The following GABRA3 variants were observed in gnomAD, a reference collection of about 807,000 sequenced individuals.
The protein encoded by GABRA3 is gamma-aminobutyric acid type A receptor subunit alpha3.
Under a neutral mutation model 30.1 loss-of-function variants are expected in GABRA3, and 10 were observed. The ratio of observed to expected loss-of-function variants is 0.33; its 90% CI spans 0.20 to 0.56. The LOEUF (loss-of-function observed/expected upper bound fraction) is 0.56. Among genes scored for constraint, GABRA3 ranks in the 20% least tolerant of loss-of-function variants. The probability of loss-of-function intolerance (pLI) is 0.89; values close to 1 mark genes in which losing one functional copy is unlikely to be tolerated. For missense variants in GABRA3, 233 were observed against 392.0 expected, an observed-to-expected ratio of 0.59 and a Z score of 3.42; for synonymous variants, 151 against 146.8, an observed-to-expected ratio of 1.03 and a Z score of -0.21.
intron 2 of GABRA3, among the ~76,000 whole-genome samples, chrX:152,358,723 G>A (rs1208133142): frequency 9.0e-6 from 1 of 111,214 alleles, no homozygotes; most frequent in East Asian, 2.8e-4. Flanking sequence ...TTCCTTCAAT[G>A]CCTAGTTTGG....
intron 1 of GABRA3, among the ~76,000 whole-genome samples, chrX:152,385,348 G>A (rs920077695): frequency 8.9e-6 from 1 of 111,789 alleles, no homozygotes; most frequent in African/African-American, 3.3e-5. Context: ...AACAGAACTG[G>A]AAACAATCTG....
intron 9 of GABRA3, among the ~76,000 whole-genome samples, chrX:152,183,197 T>C (rs1176604211): frequency 9.1e-6 from 1 of 110,383 alleles, no homozygotes; most frequent in Non-Finnish European, 1.9e-5. Context: ...CCTGGGCTTT[T>C]CTTTGATGGG....
At chrX:152,338,330 T>C (rs781717041) in intron 3 of GABRA3, among the ~76,000 whole-genome samples, 127 of 112,517 alleles carry the variant, frequency 1.1e-3, no homozygotes, top group African/African-American at 4.0e-3. Context: ...TTGTATGTCT[T>C]CTTCTGAGAA....
At chrX:152,275,055 ATATT>A (rs1939019564) in intron 4 of GABRA3, among the ~76,000 whole-genome samples, 1 of 92,544 alleles carries the variant, frequency 1.1e-5, no homozygotes, top group East Asian at 3.2e-4. Context: ...GGATATGAAT[ATATT>A]TATAGAAATA....
intron 5 of GABRA3, among the ~76,000 whole-genome samples, chrX:152,247,281 C>T (rs182329189): frequency 4.1e-4 from 46 of 111,726 alleles, no homozygotes; most frequent in African/African-American, 1.5e-3. Flanking sequence ...TACTGTGTAA[C>T]GTAACCCATA....
chrX:152,206,867 G>A (rs1019096144), intron 7 of GABRA3, among the ~76,000 whole-genome samples: 5 of 111,332 alleles, frequency 4.5e-5, no homozygotes, highest in African/African-American at 1.3e-4. Context: ...CATACATGAC[G>A]CCAGGACCCC....
intron 1 of GABRA3, among the ~76,000 whole-genome samples, chrX:152,379,106 A>G (rs1219004232): frequency 8.9e-6 from 1 of 111,836 alleles, no homozygotes; most frequent in Non-Finnish European, 1.9e-5. Context: ...AGATCGAGTA[A>G]CAAATCTGAC....
intron 1 of GABRA3, among the ~76,000 whole-genome samples, chrX:152,443,566 T>C (rs1479729249): frequency 9.0e-6 from 1 of 111,112 alleles, no homozygotes; most frequent in African/African-American, 3.3e-5. Context: ...GTGAACAAAA[T>C]GGAGAAAAAA....
At position 152,433,026 on chromosome X, in the gene GABRA3, TA is replaced by T. The variant is rs767041962; in HGVS notation, c.-27+18119del. Reference sequence around the variant, plus strand: ...TTTTTTAAAATAGATTAACATATTATAAAAAAAAGAAGTATAGGAGCATCTC... The same window carrying T: ...TTTTTTAAAATAGATTAACATATTATAAAAAAAGAAGTATAGGAGCATCTC... On this transcript the variant is annotated intron_variant, in intron 1 of 9. Coordinates refer to ENST00000370314, the MANE Select transcript of GABRA3 (RefSeq NM_000808.4). Among the ~76,000 whole-genome samples the T allele has an allele frequency of 9.1e-5, 10 of 110,180 alleles. No individual in the cohort carries two copies. The East Asian group carries it at 2.9e-3, about 32-fold the overall frequency.
chrX:152,341,488 C>T (rs1295538175), intron 3 of GABRA3, among the ~76,000 whole-genome samples: 1 of 110,622 alleles, frequency 9.0e-6, no homozygotes, highest in African/African-American at 3.3e-5. Flanking sequence ...AATTTATATG[C>T]CCACTAGCAG....
chrX:152,225,951 A>G (rs900906142), intron 5 of GABRA3, among the ~76,000 whole-genome samples: 2 of 111,092 alleles, frequency 1.8e-5, no homozygotes, highest in Admixed American at 9.6e-5. Flanking sequence ...TCCTGCTGAG[A>G]ACTTTACAGG....
At chrX:152,216,751 A>G (rs1955581676) in intron 6 of GABRA3, among the ~76,000 whole-genome samples, 1 of 109,803 alleles carries the variant, frequency 9.1e-6, no homozygotes, top group African/African-American at 3.3e-5. Flanking sequence ...TATTGTGCAG[A>G]AGACTGATTA....
At chrX:152,391,181 A>C (rs1183206337) in intron 1 of GABRA3, among the ~76,000 whole-genome samples, 2 of 111,969 alleles carry the variant, frequency 1.8e-5, no homozygotes, top group African/African-American at 3.2e-5. Flanking sequence ...GTCAAAATTA[A>C]CAAACTGTTA....
intron 1 of GABRA3, among the ~76,000 whole-genome samples, 186 bp from the exon 2 acceptor site, chrX:152,364,782 A>G (rs1349572616): frequency 9.0e-6 from 1 of 111,224 alleles, no homozygotes; most frequent in African/African-American, 3.3e-5. Flanking sequence ...TGTCAATGCC[A>G]CCAAAATCGC....
At chrX:152,389,486 T>C (rs748491535) in intron 1 of GABRA3, 2 of 111,657 alleles carry the variant, frequency 1.8e-5, no homozygotes, top group African/African-American at 6.5e-5. Context: ...TGCTGCGTGA[T>C]GAAGCGGCAC....
chrX:152,358,689 T>C (rs954163211), intron 2 of GABRA3, among the ~76,000 whole-genome samples: 4 of 111,565 alleles, frequency 3.6e-5, no homozygotes, highest in Admixed American at 9.6e-5. Flanking sequence ...TTTTCACAGA[T>C]AGTCCTTATT....
intron 5 of GABRA3, among the ~76,000 whole-genome samples, chrX:152,234,128 A>T (rs909602883): frequency 1.9e-5 from 2 of 107,807 alleles, no homozygotes; most frequent in Non-Finnish European, 3.8e-5. Flanking sequence ...GTGCACCAGC[A>T]TGGCACATGT....
intron 3 of GABRA3, among the ~76,000 whole-genome samples, chrX:152,330,757 G>C (rs944627436): frequency 1.3e-4 from 14 of 108,958 alleles, no homozygotes; most frequent in Non-Finnish European, 2.5e-4. Flanking sequence ...TAAATGACGA[G>C]TTAATAGGTG....
intron 1 of GABRA3, among the ~76,000 whole-genome samples, chrX:152,449,571 G>T (rs1359048688): frequency 9.0e-6 from 1 of 111,238 alleles, no homozygotes; most frequent in Non-Finnish European, 1.9e-5. Context: ...AAGTCTTTTG[G>T]GCAGCCCCTC....
Sources: gnomAD v4.1 joint callset for allele counts (sites outside exome capture counted in the v4.1 genomes callset) on GRCh38, gnomAD v4.1.1 for gene constraint, MANE v1.5 for transcripts, NCBI Gene and HGNC (gene_info 2026-07-23, HGNC 2026-07-21) for gene names.